Variants in WDR11 observed in about 807,000 individuals in gnomAD.
The protein encoded by WDR11 is WD repeat-containing protein 11.
A neutral mutation model predicts 151.2 loss-of-function variants in WDR11; 83 were observed. The observed-to-expected ratio is 0.55, with a 90% CI of 0.46 to 0.66. The LOEUF is 0.66. Ranked by LOEUF, WDR11 falls within the 30% of genes least tolerant of loss-of-function variation. WDR11 has a pLI of 0.00. For missense variants in WDR11, 1,301 were observed against 1,480.9 expected (o/e 0.88, Z 1.99); for synonymous variants, 484 against 533.1 (o/e 0.91, Z 1.27).
At chr10:120,862,593 T>A in intron 4 of WDR11, 142 bp from the exon 5 acceptor site, 3 of 856,482 alleles carry the variant, frequency 3.5e-6, no homozygotes, top group Non-Finnish European at 5.7e-6. Context: ...TAGAGAACAT[T>A]CCCATTATGT....
intron 19 of WDR11, among the ~76,000 whole-genome samples, chr10:120,895,510 TAAAA>T (rs879285991): frequency 6.8e-6 from 1 of 147,676 alleles, no homozygotes; most frequent in Non-Finnish European, 1.5e-5. Flanking sequence ...AAGTGGAAAT[TAAAA>T]AAAAAAATTC....
At chr10:120,860,969 T>C (rs1846116119) in intron 4 of WDR11, among the ~76,000 whole-genome samples, 1 of 152,180 alleles carries the variant, frequency 6.6e-6, no homozygotes, top group African/African-American at 2.4e-5. Flanking sequence ...GAAGAAGTCA[T>C]ATCATAAACT....
Position 120,885,992 on chromosome 10 carries a change from G to C in WDR11, c.1973+54G>C, listed in dbSNP as rs1428111590. 7 of 1,608,238 alleles carry C rather than the reference G, an allele frequency of 4.4e-6. No individual in the cohort carries two copies. In the Admixed American group the frequency reaches 6.7e-5, roughly 15 times the overall value. The stretch of plus-strand genomic sequence containing the variant: ...ATTTGTGCCATTAGCATCATGTCTG[G>C]GAAGTTGACAAGTATCATCGGAAGG... On this transcript the variant is annotated intron_variant, in intron 15 of 28. Transcript: ENST00000263461.
At chr10:120,880,958 T>A in intron 13 of WDR11, 57 bp downstream of exon 13, 2 of 1,471,882 alleles carry the variant, frequency 1.4e-6, no homozygotes, top group East Asian at 2.5e-5. Flanking sequence ...TCTCGTGGAT[T>A]TTTTTAATCT....
chr10:120,887,565 C>T (rs1487855850), intron 16 of WDR11, among the ~76,000 whole-genome samples: 1 of 152,148 alleles, frequency 6.6e-6, no homozygotes, highest in Non-Finnish European at 1.5e-5. Context: ...GCTTTGGGGT[C>T]TCATAAAGTT....
intron 14 of WDR11, among the ~76,000 whole-genome samples, chr10:120,884,302 A>C (rs943979743): frequency 1.3e-5 from 2 of 152,202 alleles, no homozygotes; most frequent in Non-Finnish European, 2.9e-5. Flanking sequence ...ACAAGAATAG[A>C]AAGTGAGTCA....
chr10:120,871,915 T>C (rs1209026068), intron 10 of WDR11, among the ~76,000 whole-genome samples: 1 of 152,244 alleles, frequency 6.6e-6, no homozygotes, highest in African/African-American at 2.4e-5. Context: ...GATTTCATAG[T>C]AATGTGATGA....
At position 120,874,176 on chromosome 10, in the gene WDR11, GTTTTTT is replaced by G. The variant is rs66873217; in HGVS notation, c.1556+264_1556+269del. On this transcript the variant is annotated intron_variant, in intron 11 of 28. Coordinates refer to ENST00000263461, the MANE Select transcript of WDR11 (RefSeq NM_018117.12). The stretch of plus-strand genomic sequence containing the variant: ...TGCAAAAGTAATTGCGGTTTTTGCA[GTTTTTT>G]TTTTTTTTTTGTTGTTGTTGTTGTT... 1.5e-3 allele frequency among the ~76,000 whole-genome samples: 124 copies of G among 83,500 alleles called. 1 individual carries two copies. Among genetic ancestry groups the G allele is most frequent in the Non-Finnish European group, 2.4e-3 (101 of 42,272 alleles). 54.8% of individuals were successfully genotyped at this position (83,500 alleles called of 152,430 possible).
chr10:120,858,883 A>T, intron 3 of WDR11, 87 bp downstream of exon 3: 1 of 1,505,678 alleles, frequency 6.6e-7, no homozygotes, highest in East Asian at 2.3e-5. Flanking sequence ...TCCCCCATTC[A>T]TTTAATTTTA....
At chr10:120,853,342 T>G (rs1845844788) in intron 2 of WDR11, among the ~76,000 whole-genome samples, 1 of 151,956 alleles carries the variant, frequency 6.6e-6, no homozygotes, top group South Asian at 2.1e-4. Context: ...CTCGGCTCAC[T>G]GTAAGCTCCA....
chr10:120,887,071 A>C (rs1187577748), intron 16 of WDR11, among the ~76,000 whole-genome samples: 1 of 152,192 alleles, frequency 6.6e-6, no homozygotes, highest in Non-Finnish European at 1.5e-5. Context: ...ATCCATGAGG[A>C]GTTATCTCCA....
At chr10:120,854,001 AT>A (rs1845866501) in intron 2 of WDR11, among the ~76,000 whole-genome samples, 1 of 152,130 alleles carries the variant, frequency 6.6e-6, no homozygotes, top group Non-Finnish European at 1.5e-5. Context: ...AGAGATAGAG[AT>A]TTGGAGTCTT....
chr10:120,859,027 A>C (rs1395072006), intron 3 of WDR11, among the ~76,000 whole-genome samples: 1 of 152,172 alleles, frequency 6.6e-6, no homozygotes, highest in African/African-American at 2.4e-5. Context: ...AAACTCATTA[A>C]TTGCAATATC....
At chr10:120,901,932 A>G (rs1847835818) in intron 21 of WDR11, among the ~76,000 whole-genome samples, 1 of 148,228 alleles carries the variant, frequency 6.7e-6, no homozygotes, top group Non-Finnish European at 1.5e-5. Context: ...ACTGTTCTTG[A>G]TGATTTTTTC....
rs370184354 is a variant in WDR11 at position 120,896,025 on chromosome 10, T to C, written c.2516-4004T>C. ...ACCAAAATGCACACAAAGTTATTCA[T>C]AGCAAAATTTTGAAAAAAGCCGAAC... On this transcript the variant is annotated intron_variant, in intron 19 of 28. Coordinates refer to ENST00000263461, the MANE Select transcript of WDR11 (RefSeq NM_018117.12). Among the ~76,000 whole-genome samples the C allele has an allele frequency of 3.7e-4, 57 of 152,298 alleles. No homozygotes were observed. The South Asian group carries it at 0.011, about 30-fold the overall frequency.
chr10:120,871,308 CAAA>C lies in WDR11; in HGVS notation c.1437_1439del (p.Lys479del). 1 of 1,613,528 alleles carries C rather than the reference CAAA, an allele frequency of 6.2e-7. No individual in the cohort carries two copies. Among genetic ancestry groups the C allele is most frequent in the South Asian group, 1.1e-5 (1 of 91,046 alleles). On this transcript the variant is annotated inframe_deletion, in exon 10 of 29. Coordinates refer to ENST00000263461, the MANE Select transcript of WDR11 (RefSeq NM_018117.12). Reference sequence around the variant, plus strand: ...ATTCGTATGTGTCCACCGTTGACCACAAAAAACATCAAGATGTATCAGCCACTG... The same window carrying C: ...ATTCGTATGTGTCCACCGTTGACCACAAACATCAAGATGTATCAGCCACTG...
chr10:120,902,913 C>T, intron 22 of WDR11, 142 bp from the exon 23 acceptor site: 1 of 862,456 alleles, frequency 1.2e-6, no homozygotes, highest in Admixed American at 2.0e-5. Flanking sequence ...CTTGCTGCCT[C>T]CCCCTTTCAC....
At position 120,905,346 on chromosome 10, in the gene WDR11, A is replaced by G; in HGVS notation, c.3221A>G (p.Asp1074Gly). 2 of 1,614,122 alleles carry G rather than the reference A, an allele frequency of 1.2e-6. No homozygotes were observed. Among genetic ancestry groups the G allele is most frequent in the Admixed American group, 1.7e-5 (1 of 60,024 alleles). Residue 1074 changes from aspartate (D) to glycine (G), a missense_variant, in exon 26 of 29, where the codon GAT becomes GGT. By Grantham distance (94) the Asp-to-Gly change is moderately conservative. Around this residue, in one of 3 missense-constraint regions of WDR11, gnomAD observed 589 missense variants for 670.6 expected, o/e 0.88. Coordinates refer to ENST00000263461, the MANE Select transcript of WDR11 (RefSeq NM_018117.12). ...GGCGTTCAGTTGCTCTGCCTGATAGATAAGGCTGCAGACGCCTGCCGCTAC... is the reference window on the plus strand; with the variant it reads ...GGCGTTCAGTTGCTCTGCCTGATAGGTAAGGCTGCAGACGCCTGCCGCTAC... ...AEGVQLLCLIDKAADACRYLQ... is the reference protein window; with the variant it reads ...AEGVQLLCLIGKAADACRYLQ...
chr10:120,865,523 A>ATTTTTT, intron 6 of WDR11, 107 bp from the exon 7 acceptor site: 2 of 762,444 alleles, frequency 2.6e-6, no homozygotes, highest in Non-Finnish European at 4.2e-6. Context: ...GGATTTGTCT[A>ATTTTTT]TTTTTTTTTC....
Sources: allele counts gnomAD v4.1 joint callset (sites outside exome capture counted in the v4.1 genomes callset), GRCh38; gene constraint gnomAD v4.1.1; regional missense constraint gnomAD v4.1.1; transcripts MANE v1.5; gene names NCBI Gene and HGNC (gene_info 2026-07-23, HGNC 2026-07-21).